MTCH2: variants seen among roughly 807,000 people sequenced by gnomAD.
MTCH2 encodes mitochondrial carrier 2.
A neutral mutation model predicts 50.6 loss-of-function variants in MTCH2; 25 were observed. The ratio of observed to expected loss-of-function variants is 0.49; its 90% CI spans 0.36 to 0.69. The LOEUF is 0.69. MTCH2 is among the 30% of genes least tolerant of loss of function. The pLI, the probability that MTCH2 is intolerant of heterozygous loss-of-function variation, is 0.00. For missense variants in MTCH2, 273 were observed against 384.4 expected, an observed-to-expected ratio of 0.71 and a Z score of 2.42; for synonymous variants, 106 against 132.0, an observed-to-expected ratio of 0.80 and a Z score of 1.35.
At chr11:47,626,935 T>G in intron 10 of MTCH2, 145 bp downstream of exon 10, 2 of 661,238 alleles carry the variant, frequency 3.0e-6, no homozygotes, top group Non-Finnish European at 5.1e-6. Context: ...ATTCTTACCT[T>G]TGACAAATAT....
At chr11:47,604,360 A>G in the MTCH2 span, among the ~76,000 whole-genome samples, 2 of 152,148 alleles carry the variant, frequency 1.3e-5, no homozygotes, top group Non-Finnish European at 2.9e-5. Context: ...GAGGTTTATT[A>G]TACATTCTAT....
At chr11:47,615,415 GGA>G (rs2097287817), downstream of MTCH2, among the ~76,000 whole-genome samples, 1 of 152,036 alleles carries the variant, frequency 6.6e-6, no homozygotes, top group Non-Finnish European at 1.5e-5. Context: ...TCTGAAGGAG[GGA>G]GAGTTTGAAG....
At chr11:47,623,693 T>C (rs946899635) in intron 11 of MTCH2, among the ~76,000 whole-genome samples, 1 of 152,182 alleles carries the variant, frequency 6.6e-6, no homozygotes, top group Non-Finnish European at 1.5e-5. Context: ...TCTGATCTTA[T>C]TTGAAAACAG....
chr11:47,609,848 C>A, the MTCH2 span, among the ~76,000 whole-genome samples: 1 of 152,108 alleles, frequency 6.6e-6, no homozygotes, highest in Non-Finnish European at 1.5e-5. Context: ...GCAGCAACAG[C>A]TGAGCAGAGA....
intron 12 of MTCH2, among the ~76,000 whole-genome samples, chr11:47,621,546 C>A (rs1053406354): frequency 6.6e-6 from 1 of 151,976 alleles, no homozygotes; most frequent in Non-Finnish European, 1.5e-5. Context: ...AATTCTCTTC[C>A]CTCAGCCTCC....
intron 11 of MTCH2, 77 bp downstream of exon 11, chr11:47,625,597 C>T (rs2097297345): frequency 4.3e-6 from 5 of 1,172,910 alleles, no homozygotes; most frequent in Middle Eastern, 2.0e-4. Context: ...TTCATCTTTC[C>T]TAAATTTCTA....
chr11:47,628,267 C>G (rs1211895008), intron 9 of MTCH2, among the ~76,000 whole-genome samples: 1 of 152,154 alleles, frequency 6.6e-6, no homozygotes, highest in Non-Finnish European at 1.5e-5. Flanking sequence ...TACAGGCACC[C>G]TCTTAAGTCC....
At chr11:47,641,206 T>A (rs1370061295) in intron 1 of MTCH2, among the ~76,000 whole-genome samples, 1 of 152,202 alleles carries the variant, frequency 6.6e-6, no homozygotes, top group Admixed American at 6.5e-5. Context: ...GTTCTTACTA[T>A]ATACTGCAAC....
At chr11:47,633,526 A>ATATATATATATATATATATATT (rs1378774715) in intron 5 of MTCH2, among the ~76,000 whole-genome samples, 1 of 35,080 alleles carries the variant, frequency 2.9e-5, no homozygotes, top group Non-Finnish European at 5.9e-5. Context: ...ATATATATAT[A>ATATATATATATATATATATATT]TTTTTTTTTT....
At chr11:47,631,538 C>G in intron 6 of MTCH2, 116 bp downstream of exon 6, 1 of 982,188 alleles carries the variant, frequency 1.0e-6, no homozygotes, top group Non-Finnish European at 1.5e-6. Flanking sequence ...CCAAAACAAG[C>G]AAGCAAACAA....
chr11:47,633,032 T>G (rs975944586), intron 5 of MTCH2, among the ~76,000 whole-genome samples: 1 of 151,214 alleles, frequency 6.6e-6, no homozygotes, highest in Non-Finnish European at 1.5e-5. Context: ...CCCTCACCCC[T>G]TCTCCAAGGG....
intron 5 of MTCH2, among the ~76,000 whole-genome samples, chr11:47,632,251 T>G (rs1284555274): frequency 6.6e-6 from 1 of 152,208 alleles, no homozygotes; most frequent in East Asian, 1.9e-4. Context: ...TAGTTTATCT[T>G]TCTACTCTAG....
the MTCH2 span, among the ~76,000 whole-genome samples, chr11:47,609,124 CAAAAAAAAAAAAA>C: frequency 1.2e-4 from 11 of 89,918 alleles, 1 homozygote; most frequent in East Asian, 3.6e-3. Flanking sequence ...AACTCTGTCT[CAAAAAAAAAAAAA>C]AAAAAAAAAG....
Position 47,638,774 on chromosome 11 carries a change from G to T in MTCH2, c.204C>A (p.Arg68=). Residue 68 remains arginine (R), a synonymous_variant, in exon 3 of 13, where the codon CGC becomes CGA. Coordinates refer to ENST00000302503, the MANE Select transcript of MTCH2 (RefSeq NM_014342.4). ...TTGGAGTTAAGCCTGTGAACAACCC[G>T]CGCCTCCCATCGATACTGGCAATGT... The part of the protein sequence containing the change: ...AQHIASIDGR[R]GLFTGLTPRL... 7.1e-7 allele frequency: 1 copy of T among 1,403,298 alleles called. No homozygotes were observed. Among genetic ancestry groups the T allele is most frequent in the Middle Eastern group, 1.9e-4 (1 of 5,210 alleles). The allele number at this position is 1,403,298 out of a possible 1,614,324, so 86.9% of individuals were successfully genotyped here.
At chr11:47,642,306 G>C in intron 1 of MTCH2, 73 bp downstream of exon 1, 1 of 1,328,604 alleles carries the variant, frequency 7.5e-7, no homozygotes, top group Admixed American at 2.3e-5. Flanking sequence ...AGGCTGAGCC[G>C]ATCCTCAGGC....
intron 12 of MTCH2, among the ~76,000 whole-genome samples, chr11:47,620,067 CCTCCGT>C (rs1269622549): frequency 6.6e-6 from 1 of 151,172 alleles, no homozygotes; most frequent in Non-Finnish European, 1.5e-5. Context: ...ACAGAGCAAG[CCTCCGT>C]CTCAAACAAA....
chr11:47,616,568 C>T (rs1467907302), downstream of MTCH2, among the ~76,000 whole-genome samples: 4 of 151,748 alleles, frequency 2.6e-5, no homozygotes, highest in African/African-American at 7.3e-5. Flanking sequence ...CTCAAGTGAT[C>T]CACCTGCCTC....
At position 47,624,203 on chromosome 11, in the gene MTCH2, G is replaced by A. The variant is rs576289846; in HGVS notation, c.750-1427C>T. 6.0e-5 allele frequency among the ~76,000 whole-genome samples: 9 copies of A among 149,256 alleles called. No homozygotes were observed. In the South Asian group the frequency reaches 1.7e-3, roughly 28 times the overall value. On this transcript the variant is annotated intron_variant, in intron 11 of 12. Transcript: ENST00000302503. ...GTCGAGATTGCACCACTGCACTATA[G>A]CCTGGGCAACAGAGTGAGACTCCAT...
At chr11:47,611,252 G>A in the MTCH2 span, among the ~76,000 whole-genome samples, 1 of 152,234 alleles carries the variant, frequency 6.6e-6, no homozygotes, top group Non-Finnish European at 1.5e-5. Context: ...CTCTAAATGT[G>A]AGCCCCTCAG....
Sources: gnomAD v4.1 joint callset for allele counts (sites outside exome capture counted in the v4.1 genomes callset) on GRCh38, gnomAD v4.1.1 for gene constraint, MANE v1.5 for transcripts, NCBI Gene and HGNC (gene_info 2026-07-23, HGNC 2026-07-21) for gene names.